Variants in FLI1 observed in about 807,000 individuals in gnomAD.
FLI1 encodes the protein Fli-1 proto-oncogene, ETS transcription factor.
Under a neutral mutation model 53.1 loss-of-function variants are expected in FLI1, and 13 were observed. The ratio of observed to expected loss-of-function variants is 0.24; its 90% CI spans 0.16 to 0.39. The LOEUF (loss-of-function observed/expected upper bound fraction) is 0.39. Ranked by LOEUF, FLI1 falls within the 10% of genes least tolerant of loss-of-function variation. The pLI is 1.00. For synonymous variants in FLI1, 244 were observed against 236.7 expected (o/e 1.03, Z -0.28); for missense variants, 424 against 600.5 (o/e 0.71, Z 3.07).
intron 5 of FLI1, among the ~76,000 whole-genome samples, chr11:128,782,655 G>A (rs1322364907): frequency 2.0e-5 from 3 of 152,138 alleles, no homozygotes; most frequent in South Asian, 2.1e-4. Context: ...CCGAGTTCGC[G>A]CCACTGCACT....
chr11:128,687,495 C>T (rs1937601147), intron 1 of FLI1, among the ~76,000 whole-genome samples: 1 of 152,056 alleles, frequency 6.6e-6, no homozygotes, highest in African/African-American at 2.4e-5. Flanking sequence ...TGAGTCAGTC[C>T]GAGAGCGGAG....
chr11:128,764,919 A>C (rs1046780602), intron 2 of FLI1: 27 of 1,304,586 alleles, frequency 2.1e-5, no homozygotes, highest in Admixed American at 5.9e-5. Context: ...CCCTAAGGAC[A>C]CCCGCCTGCA....
intron 1 of FLI1, among the ~76,000 whole-genome samples, chr11:128,735,025 C>T (rs906099563): frequency 3.3e-5 from 5 of 152,224 alleles, no homozygotes; most frequent in Non-Finnish European, 5.9e-5. Flanking sequence ...CACTCTTCCC[C>T]TTCCCGCTTT....
chr11:128,724,235 G>A (rs1276621953), intron 1 of FLI1, among the ~76,000 whole-genome samples: 11 of 152,128 alleles, frequency 7.2e-5, no homozygotes, highest in Non-Finnish European at 1.2e-4. Flanking sequence ...ATGAGCCACC[G>A]TGCCTGGCCT....
In FLI1 at chr11:128,810,838, C is replaced by T. The variant is rs1414724871; in HGVS notation, c.1209C>T (p.Pro403=). 6.2e-7 allele frequency: 1 copy of T among 1,613,938 alleles called. No homozygotes were observed. The highest frequency in any genetic ancestry group is 1.3e-5 in the African/African-American group (1 of 74,934). Residue 403 remains proline (P), a synonymous_variant, in exon 9 of 9, where the codon CCC becomes CCT. Transcript: ENST00000527786. The surrounding 1 kb of genome is among the most constrained non-coding windows in gnomAD (Gnocchi z 6.6). ...AHQQKVNFVP[P]HPSSMPVTSS... is the part of the protein sequence containing the mutation. ...AGCAGAAGGTGAACTTTGTCCCTCC[C>T]CATCCATCCTCCATGCCTGTCACTT...
intron 2 of FLI1, among the ~76,000 whole-genome samples, chr11:128,760,520 CTTTTTTTTTTT>C (rs1179242159): frequency 1.4e-4 from 14 of 103,574 alleles, no homozygotes; most frequent in Admixed American, 6.7e-4. Context: ...GTGGAGATTC[CTTTTTTTTTTT>C]TTTTTTTTTT....
chr11:128,811,117 C>G lies in FLI1; in HGVS notation c.*129C>G. ...GGATGTTCTTTCTTGTTGGATAGAA[C>G]CTTTGTATTTGTTCTTTAAAAACAT... On this transcript the variant is annotated 3_prime_UTR_variant, in exon 9 of 9. Transcript: ENST00000527786. 2.2e-6 allele frequency: 2 copies of G among 904,764 alleles called. No individual in the cohort carries two copies. Among genetic ancestry groups the G allele is most frequent in the Admixed American group, 4.8e-5 (2 of 41,648 alleles). 56.0% of individuals were successfully genotyped at this position (904,764 alleles called of 1,614,324 possible). A position where few individuals can be genotyped will look rare whatever the true frequency, so the allele number is the denominator to read the frequency against.
In FLI1 at chr11:128,798,768, G is replaced by A. The variant is rs201904096; in HGVS notation, c.656-6598G>A. Among the ~76,000 whole-genome samples the A allele has an allele frequency of 4.5e-4, 68 of 152,294 alleles. No homozygotes were observed. In the East Asian group the frequency reaches 0.013, roughly 29 times the overall value. On this transcript the variant is annotated intron_variant, in intron 5 of 8. Coordinates refer to ENST00000527786, the MANE Select transcript of FLI1 (RefSeq NM_002017.5). ...GATGTAAGACGCCGCTGAAGTGAAG[G>A]TTTAATAGCCCCTCTAGAATGGTGG...
intron 5 of FLI1, among the ~76,000 whole-genome samples, chr11:128,799,279 C>T (rs59460980): frequency 0.066 from 10,063 of 151,956 alleles, 559 homozygotes; most frequent in East Asian, 0.26. Flanking sequence ...TGTCCTTCAT[C>T]CTTTATAGCC....
intron 1 of FLI1, among the ~76,000 whole-genome samples, chr11:128,711,771 A>G (rs1048256180): frequency 2.0e-5 from 3 of 152,188 alleles, no homozygotes; most frequent in Admixed American, 1.3e-4. Context: ...ATGATTTCCT[A>G]TTAGGTAGAG....
At chr11:128,791,115 G>A (rs187972207) in intron 5 of FLI1, among the ~76,000 whole-genome samples, 11 of 152,228 alleles carry the variant, frequency 7.2e-5, no homozygotes, top group African/African-American at 2.2e-4. Flanking sequence ...AGACCATCCC[G>A]ATTCAGCTCT....
At chr11:128,772,145 T>C (rs936384983) in intron 3 of FLI1, among the ~76,000 whole-genome samples, 1 of 152,064 alleles carries the variant, frequency 6.6e-6, no homozygotes, top group African/African-American at 2.4e-5. Flanking sequence ...GTGGTTACCT[T>C]ACCTGTGTTC....
At chr11:128,732,250 T>TC (rs1204241315) in intron 1 of FLI1, among the ~76,000 whole-genome samples, 1 of 152,070 alleles carries the variant, frequency 6.6e-6, no homozygotes, top group African/African-American at 2.4e-5. Context: ...CCAGCTATCT[T>TC]CCCCCCTTCT....
chr11:128,807,390 G>A (rs1942811991), intron 7 of FLI1, among the ~76,000 whole-genome samples, 151 bp downstream of exon 7: 1 of 152,200 alleles, frequency 6.6e-6, no homozygotes, highest in African/African-American at 2.4e-5. Context: ...ATAGTCCTGT[G>A]AATGAAGTAA....
At chr11:128,702,292 G>A (rs1237275477) in intron 1 of FLI1, among the ~76,000 whole-genome samples, 4 of 152,240 alleles carry the variant, frequency 2.6e-5, no homozygotes, top group Non-Finnish European at 5.9e-5. Flanking sequence ...CAGGCTTTGA[G>A]AGAGTAGACA....
In FLI1 at chr11:128,810,428, T is replaced by C. The variant is rs753905008; in HGVS notation, c.830-31T>C. ...CTGCCTTCTCTGGGCTGAGGTGTTC[T>C]GTTCTCTCCCGTTTGCCTCACGGCG... On this transcript the variant is annotated intron_variant, in intron 8 of 8. Transcript: ENST00000527786. The surrounding 1 kb of genome is among the most constrained non-coding windows in gnomAD (Gnocchi z 6.6). 8 of 1,563,116 alleles carry C rather than the reference T, an allele frequency of 5.1e-6. No homozygotes were observed. Among genetic ancestry groups the C allele is most frequent in the African/African-American group, 1.4e-5 (1 of 73,602 alleles).
intron 3 of FLI1, among the ~76,000 whole-genome samples, chr11:128,772,053 C>CACACACACACACACACACACAT (rs1941581908): frequency 6.9e-6 from 1 of 145,696 alleles, no homozygotes. Flanking sequence ...CACACACACA[C>CACACACACACACACACACACAT]ACACACACAC....
chr11:128,789,698 G>A (rs1396071921), intron 5 of FLI1, among the ~76,000 whole-genome samples: 3 of 152,216 alleles, frequency 2.0e-5, no homozygotes, highest in Middle Eastern at 3.2e-3. Flanking sequence ...TTGTGTGTGT[G>A]TCTGTGCAGG....
chr11:128,693,251 CG>C (rs1937834381), upstream of FLI1: 1 of 152,238 alleles, frequency 6.6e-6, no homozygotes, highest in African/African-American at 2.4e-5. Flanking sequence ...CGCGCCGCCC[CG>C]AGGGGCCCCT....
Sources: gnomAD v4.1 joint callset for allele counts (sites outside exome capture counted in the v4.1 genomes callset) on GRCh38, gnomAD v4.1.1 for gene constraint, Gnocchi (gnomAD v3.1) non-coding constraint, MANE v1.5 for transcripts, NCBI Gene and HGNC (gene_info 2026-07-23, HGNC 2026-07-21) for gene names.